KCNK2: variants seen among roughly 807,000 people sequenced by gnomAD.
KCNK2 encodes the protein potassium channel subfamily K member 2.
In KCNK2, 21 loss-of-function variants were observed where a neutral mutation model predicts 40.5. The ratio of observed to expected loss-of-function variants is 0.52; its 90% CI spans 0.37 to 0.75. KCNK2 has a LOEUF of 0.75. KCNK2 is among the 30% of genes least tolerant of loss of function. KCNK2 has a pLI of 0.00. For missense variants in KCNK2, 399 were observed against 531.6 expected (o/e 0.75, Z 2.45); for synonymous variants, 191 against 202.2 (o/e 0.94, Z 0.47).
At chr1:215,137,995 T>C (rs997678612) in intron 3 of KCNK2, among the ~76,000 whole-genome samples, 8 of 152,192 alleles carry the variant, frequency 5.3e-5, no homozygotes, top group Non-Finnish European at 1.0e-4. Context: ...CAAAAGGGTT[T>C]AGAACCATTG....
At chr1:215,161,059 C>G (rs141887369) in intron 3 of KCNK2, among the ~76,000 whole-genome samples, 499 of 152,256 alleles carry the variant, frequency 3.3e-3, no homozygotes, top group African/African-American at 0.011. Flanking sequence ...CTTGACACTT[C>G]TTTATTCTTG....
At chr1:215,207,252 G>A (rs907836934) in intron 6 of KCNK2, among the ~76,000 whole-genome samples, 4 of 152,146 alleles carry the variant, frequency 2.6e-5, no homozygotes, top group African/African-American at 9.7e-5. Context: ...CCTGAGCTCT[G>A]CCTCCAGTCA....
chr1:215,101,527 A>T (rs571291441), intron 2 of KCNK2, among the ~76,000 whole-genome samples: 2 of 152,074 alleles, frequency 1.3e-5, no homozygotes, highest in South Asian at 4.1e-4. Context: ...GTGGATCAAG[A>T]CAGCTGTAGG....
chr1:215,050,310 T>G (rs1191659303), intron 1 of KCNK2, among the ~76,000 whole-genome samples: 1 of 152,194 alleles, frequency 6.6e-6, no homozygotes, highest in Non-Finnish European at 1.5e-5. Context: ...GAAAAATGAC[T>G]GATTTGGGGG....
intron 3 of KCNK2, among the ~76,000 whole-genome samples, chr1:215,137,348 G>C (rs1293261068): frequency 3.9e-5 from 6 of 152,176 alleles, no homozygotes; most frequent in Non-Finnish European, 8.8e-5. Flanking sequence ...GCAAAATCAA[G>C]CATGTCACCT....
At chr1:215,006,050 T>A (rs928089930) in intron 1 of KCNK2, 7 of 1,044,618 alleles carry the variant, frequency 6.7e-6, no homozygotes, top group Non-Finnish European at 8.9e-6. Context: ...ATGTAAGGAG[T>A]CTTCATTATA....
At chr1:215,065,865 A>C (rs1658519128) in intron 1 of KCNK2, among the ~76,000 whole-genome samples, 1 of 152,312 alleles carries the variant, frequency 6.6e-6, no homozygotes, top group South Asian at 2.1e-4. Context: ...ATGTAATGAC[A>C]TGCATCTTTA....
At chr1:215,155,561 C>T (rs1284712564) in intron 3 of KCNK2, among the ~76,000 whole-genome samples, 1 of 152,104 alleles carries the variant, frequency 6.6e-6, no homozygotes, top group Non-Finnish European at 1.5e-5. Flanking sequence ...TGCTCTGTCG[C>T]CAGGCTGGAG....
chr1:215,095,461 T>C (rs1659937242), intron 2 of KCNK2, among the ~76,000 whole-genome samples: 1 of 152,188 alleles, frequency 6.6e-6, no homozygotes, highest in African/African-American at 2.4e-5. Flanking sequence ...TTTTTCTTCA[T>C]GATCACCGTT....
chr1:215,154,975 A>G (rs1571673664), intron 3 of KCNK2, among the ~76,000 whole-genome samples: 1 of 152,076 alleles, frequency 6.6e-6, no homozygotes, highest in South Asian at 2.1e-4. Flanking sequence ...TATTTTTAGT[A>G]TTCATATTTA....
exon 1 of KCNK2, chr1:215,005,947 A>T: frequency 1.2e-6 from 2 of 1,613,114 alleles, no homozygotes; most frequent in East Asian, 2.2e-5. Flanking sequence ...GCAAAAAGGG[A>T]TTTCTACTGT....
At chr1:215,234,344 C>G (rs80217907) in intron 6 of KCNK2, among the ~76,000 whole-genome samples, 2,263 of 152,302 alleles carry the variant, frequency 0.015, 64 homozygotes, top group African/African-American at 0.05. Flanking sequence ...TCTGAGCAAA[C>G]AGCATTGCTG....
intron 6 of KCNK2, among the ~76,000 whole-genome samples, chr1:215,225,601 G>A (rs989454071): frequency 6.6e-6 from 1 of 152,126 alleles, no homozygotes; most frequent in Non-Finnish European, 1.5e-5. Flanking sequence ...ACAGGAGGAG[G>A]GCTATGTCAG....
intron 3 of KCNK2, among the ~76,000 whole-genome samples, chr1:215,167,237 C>G (rs1482923286): frequency 6.6e-6 from 1 of 151,460 alleles, no homozygotes; most frequent in African/African-American, 2.4e-5. Context: ...AATAAAGCCA[C>G]AAGGAAAATC....
intron 3 of KCNK2, among the ~76,000 whole-genome samples, chr1:215,154,426 G>C (rs1477321754): frequency 6.6e-6 from 1 of 151,054 alleles, no homozygotes; most frequent in African/African-American, 2.4e-5. Flanking sequence ...CTTTTTGATG[G>C]GTTTTTTTTT....
intron 1 of KCNK2, among the ~76,000 whole-genome samples, chr1:215,044,024 CAAAT>C (rs1387817824): frequency 6.6e-6 from 1 of 151,716 alleles, no homozygotes; most frequent in Non-Finnish European, 1.5e-5. Flanking sequence ...ACAAAGATAA[CAAAT>C]AAGAATAATG....
At chr1:215,053,050 G>GT (rs1208929323) in intron 1 of KCNK2, among the ~76,000 whole-genome samples, 1 of 151,908 alleles carries the variant, frequency 6.6e-6, no homozygotes, top group African/African-American at 2.4e-5. Context: ...TCACCTGCAG[G>GT]TTTTTTTGGT....
chr1:215,011,217 GT>G (rs1656376245), intron 1 of KCNK2, among the ~76,000 whole-genome samples: 1 of 151,876 alleles, frequency 6.6e-6, no homozygotes, highest in Non-Finnish European at 1.5e-5. Context: ...CAACTTATTT[GT>G]TTTTTGTCTT....
At position 215,062,328 on chromosome 1, in the gene KCNK2, T is replaced by C. The variant is rs185646596; in HGVS notation, c.35-24040T>C. On this transcript the variant is annotated intron_variant, in intron 1 of 6. Transcript: ENST00000391895. ...CTGGTTTGAATTTTTTGTTTTACTGTACTACTTTGGATCAGTTTAAACCAT... is the reference window on the plus strand; with the variant it reads ...CTGGTTTGAATTTTTTGTTTTACTGCACTACTTTGGATCAGTTTAAACCAT... 2.6e-4 allele frequency among the ~76,000 whole-genome samples: 39 copies of C among 152,236 alleles called. No homozygotes were observed. In the South Asian group the frequency reaches 2.7e-3, roughly 11 times the overall value.
Sources: allele counts gnomAD v4.1 joint callset (sites outside exome capture counted in the v4.1 genomes callset), GRCh38; gene constraint gnomAD v4.1.1; transcripts MANE v1.5; gene names NCBI Gene and HGNC (gene_info 2026-07-23, HGNC 2026-07-21).